Variants in IRAK3 observed in about 807,000 individuals in gnomAD.
The protein encoded by IRAK3 is interleukin-1 receptor-associated kinase 3.
Under a neutral mutation model 56.6 loss-of-function variants are expected in IRAK3, and 57 were observed. That is an observed-to-expected ratio of 1.01 (90% CI 0.81 to 1.26). The LOEUF (loss-of-function observed/expected upper bound fraction) is 1.26, where lower values mean the gene tolerates loss of function less well. Among genes scored for constraint, IRAK3 ranks in the 50% most tolerant of loss-of-function variants. IRAK3 has a pLI of 0.00. For synonymous variants in IRAK3, 258 were observed against 255.7 expected, an observed-to-expected ratio of 1.01 and a Z score of -0.09; for missense variants, 703 against 719.0, an observed-to-expected ratio of 0.98 and a Z score of 0.25.
At chr12:66,234,483 A>G in intron 8 of IRAK3, 2 of 1,611,822 alleles carry the variant, frequency 1.2e-6, no homozygotes. Flanking sequence ...GGTGAAGGAT[A>G]AAATCCGTTT....
At chr12:66,245,679 C>T (rs1448138653) in intron 11 of IRAK3, among the ~76,000 whole-genome samples, 11 of 151,142 alleles carry the variant, frequency 7.3e-5, no homozygotes, top group Admixed American at 2.6e-4. Flanking sequence ...TTATTAGGCA[C>T]GAGCCACCAC....
intron 6 of IRAK3, among the ~76,000 whole-genome samples, chr12:66,224,403 G>A (rs1592592607): frequency 6.6e-6 from 1 of 152,164 alleles, no homozygotes; most frequent in East Asian, 1.9e-4. Context: ...TAATTTAAGT[G>A]ATAAGATGAG....
chr12:66,197,457 T>C (rs1422986699), intron 1 of IRAK3: 2 of 984,374 alleles, frequency 2.0e-6, no homozygotes. Context: ...AAATGAAGTA[T>C]ACATTTTATG....
chr12:66,198,441 T>C (rs2052475621), intron 1 of IRAK3, among the ~76,000 whole-genome samples: 1 of 152,200 alleles, frequency 6.6e-6, no homozygotes, highest in South Asian at 2.1e-4. Flanking sequence ...TACCCTTTTC[T>C]ATTCCTTTAG....
chr12:66,239,564 C>G (rs572399119), intron 8 of IRAK3, among the ~76,000 whole-genome samples: 18 of 152,284 alleles, frequency 1.2e-4, no homozygotes, highest in African/African-American at 4.1e-4. Context: ...AAGTGTCTTT[C>G]TTTGTTTGAC....
At position 66,234,432 on chromosome 12, in the gene IRAK3, T is replaced by C. The variant is rs1035367804; in HGVS notation, c.887+6062T>C. 75 of 1,611,306 alleles carry C rather than the reference T, an allele frequency of 4.7e-5. No homozygotes were observed. The African/African-American group carries it at 8.2e-4, about 18-fold the overall frequency. On this transcript the variant is annotated intron_variant, in intron 8 of 11. Coordinates refer to ENST00000261233, the MANE Select transcript of IRAK3 (RefSeq NM_007199.3). The stretch of plus-strand genomic sequence containing the variant: ...ACAGGAGATACAATATAGGGTGTAA[T>C]AGAAGTTTGAGTGATCATTCGGTTT...
intron 1 of IRAK3, among the ~76,000 whole-genome samples, chr12:66,198,926 T>G (rs909380482): frequency 6.6e-6 from 1 of 152,048 alleles, no homozygotes; most frequent in African/African-American, 2.4e-5. Context: ...GCCTGGCTAA[T>G]TTTTAAATTT....
At chr12:66,218,346 T>C (rs138086093) in intron 6 of IRAK3, among the ~76,000 whole-genome samples, 8 of 152,328 alleles carry the variant, frequency 5.3e-5, no homozygotes, top group African/African-American at 1.9e-4. Flanking sequence ...CAATATTTTA[T>C]TATATGAAAT....
Position 66,247,937 on chromosome 12 carries a change from G to A in IRAK3, c.1557G>A (p.Leu519=), listed in dbSNP as rs1308201265. ...CSQSEVMFLS[L]DKKPESKRNE... is the part of the protein sequence containing the mutation. ...AGTCTGAGGTTATGTTTCTGAGCTT[G>A]GACAAAAAGCCAGAGAGCAAGAGAA... The change falls in exon 12 of 12, where the codon TTG becomes TTA. Residue 519 remains leucine (L), a synonymous_variant. Coordinates refer to ENST00000261233, the MANE Select transcript of IRAK3 (RefSeq NM_007199.3). 1.9e-6 allele frequency: 3 copies of A among 1,613,466 alleles called. No individual in the cohort carries two copies. Among genetic ancestry groups the A allele is most frequent in the African/African-American group, 1.3e-5 (1 of 74,844 alleles).
chr12:66,243,971 C>T (rs980028071), intron 8 of IRAK3, among the ~76,000 whole-genome samples: 8 of 152,136 alleles, frequency 5.3e-5, no homozygotes, highest in African/African-American at 1.9e-4. Context: ...GACTCAAAGA[C>T]CAAAAAACAG....
intron 8 of IRAK3, among the ~76,000 whole-genome samples, chr12:66,233,473 G>C (rs1479038310): frequency 1.3e-5 from 2 of 150,300 alleles, no homozygotes; most frequent in African/African-American, 2.4e-5. Flanking sequence ...AGCCGAGATC[G>C]CACCACTGCA....
intron 8 of IRAK3, among the ~76,000 whole-genome samples, chr12:66,244,171 A>G (rs1231337987): frequency 6.6e-6 from 1 of 152,246 alleles, no homozygotes; most frequent in Admixed American, 6.5e-5. Context: ...AGCACAAGGA[A>G]AGCTGTTTTG....
chr12:66,217,163 A>G lies in IRAK3; in HGVS notation c.589-8A>G. 1 of 1,592,062 alleles carries G rather than the reference A, an allele frequency of 6.3e-7. No homozygotes were observed. The highest frequency in any genetic ancestry group is 8.6e-7 in the Non-Finnish European group (1 of 1,159,976). On this transcript the variant is annotated splice_polypyrimidine_tract_variant and splice_region_variant and intron_variant, in intron 5 of 11. Coordinates refer to ENST00000261233, the MANE Select transcript of IRAK3 (RefSeq NM_007199.3). ...CTTAATTTTGTTCTTGTCTTTCTGTATATGTAGGAGAAAAAAATGCAGTGT... is the reference window on the plus strand; with the variant it reads ...CTTAATTTTGTTCTTGTCTTTCTGTGTATGTAGGAGAAAAAAATGCAGTGT...
rs1283914141 is a variant in IRAK3, at chr12:66,252,499, G to A, written c.*4328G>A. ...CCTCTGCTACAACTTCTCTGCTACA[G>A]GCACCCACTGCAGTTACTTGATATG... On this transcript the variant is annotated 3_prime_UTR_variant, in exon 12 of 12. Coordinates refer to ENST00000261233, the MANE Select transcript of IRAK3 (RefSeq NM_007199.3). 1 of 152,162 alleles carries A rather than the reference G, an allele frequency of 6.6e-6. No individual in the cohort carries two copies. The highest frequency in any genetic ancestry group is 1.9e-4 in the East Asian group (1 of 5,202). 9.4% of individuals were successfully genotyped at this position (152,162 alleles called of 1,614,324 possible). A position where few individuals can be genotyped will look rare whatever the true frequency, so the allele number is the denominator to read the frequency against.
At chr12:66,194,822 C>T (rs1395617939) in intron 1 of IRAK3, among the ~76,000 whole-genome samples, 1 of 93,560 alleles carries the variant, frequency 1.1e-5, no homozygotes, top group Non-Finnish European at 2.1e-5. Context: ...GAGCGAGACT[C>T]CTCTCAAAAA....
intron 6 of IRAK3, among the ~76,000 whole-genome samples, chr12:66,220,522 T>TTTC: frequency 7.7e-6 from 1 of 129,548 alleles, no homozygotes; most frequent in Non-Finnish European, 1.6e-5. Flanking sequence ...TTCTTTTTTT[T>TTTC]TTTTTTTTTT....
In IRAK3 at chr12:66,253,440, A is replaced by G. The variant is rs1232029282; in HGVS notation, c.*5269A>G. On this transcript the variant is annotated 3_prime_UTR_variant, in exon 12 of 12. Coordinates refer to ENST00000261233, the MANE Select transcript of IRAK3 (RefSeq NM_007199.3). ...TGTTTTGTATCTGTCTTCCCGTTCC[A>G]AATCATTTATATATACTTGATGGTC... 2.0e-5 allele frequency: 3 copies of G among 152,140 alleles called. No homozygotes were observed. The highest frequency in any genetic ancestry group is 4.4e-5 in the Non-Finnish European group (3 of 68,018). 9.4% of individuals were successfully genotyped at this position (152,140 alleles called of 1,614,324 possible).
chr12:66,245,614 C>T (rs1442492458), intron 11 of IRAK3, among the ~76,000 whole-genome samples: 1 of 125,386 alleles, frequency 8.0e-6, no homozygotes, highest in African/African-American at 2.9e-5. Flanking sequence ...CCACTGCAAC[C>T]TCCACCTCCC....
In IRAK3 at chr12:66,189,329, G is replaced by A. The variant is rs1396129446; in HGVS notation, c.30G>A (p.Ala10=). ...CGGGGAACTGTGGGGCCCGCGGCGC[G>A]CTGTCGGCGCACACGCTGCTGTTCG... The part of the protein sequence containing the change: MAGNCGARG[A]LSAHTLLFDL... The change falls in exon 1 of 12, where the codon GCG becomes GCA. Residue 10 remains alanine (A), a synonymous_variant. Coordinates refer to ENST00000261233, the MANE Select transcript of IRAK3 (RefSeq NM_007199.3). 1.3e-6 allele frequency: 2 copies of A among 1,533,022 alleles called. No individual in the cohort carries two copies. The allele number at this position is 1,533,022 out of a possible 1,614,324, so 95.0% of individuals were successfully genotyped here.
Sources: gnomAD v4.1 joint callset for allele counts (sites outside exome capture counted in the v4.1 genomes callset) on GRCh38, gnomAD v4.1.1 for gene constraint, MANE v1.5 for transcripts, NCBI Gene and HGNC (gene_info 2026-07-23, HGNC 2026-07-21) for gene names.